MICU1: variants seen among roughly 807,000 people sequenced by gnomAD.
MICU1 encodes calcium uptake protein 1, mitochondrial.
MICU1 carries 45 observed loss-of-function variants against 56.8 expected under a neutral mutation model. That is an observed-to-expected ratio of 0.79 (90% CI 0.62 to 1.02). The LOEUF (loss-of-function observed/expected upper bound fraction) is 1.02. Ranked by LOEUF, MICU1 falls within the 50% of genes least tolerant of loss-of-function variation. MICU1 has a pLI of 0.00. For synonymous variants in MICU1, 186 were observed against 195.1 expected, an observed-to-expected ratio of 0.95 and a Z score of 0.39; for missense variants, 504 against 587.1, an observed-to-expected ratio of 0.86 and a Z score of 1.46.
At chr10:72,600,177 A>C (rs1841486632) in intron 1 of MICU1, among the ~76,000 whole-genome samples, 1 of 151,854 alleles carries the variant, frequency 6.6e-6, no homozygotes, top group African/African-American at 2.4e-5. Context: ...CTGTAGTCCC[A>C]GCTACTCTGG....
chr10:72,478,161 G>A (rs180828583), intron 6 of MICU1, among the ~76,000 whole-genome samples: 8 of 149,560 alleles, frequency 5.3e-5, no homozygotes, highest in Non-Finnish European at 8.9e-5. Context: ...GAGCCACGGC[G>A]TCTGGCCTCA....
At position 72,375,845 on chromosome 10, in the gene MICU1, A is replaced by G; in HGVS notation, c.1208T>C (p.Val403Ala). ...GTGGTCTGAGAGCTCCACTTTAGCC[A>G]CTGTCCTGGCCACCTGCTGCATGGT... ...KVTMQQVART[V>A]AKVELSDHVC... The change falls in exon 11 of 12, where the codon GTG becomes GCG. Residue 403 changes from valine (V) to alanine (A), a missense_variant. Val to Ala is a moderately conservative substitution (Grantham distance 64, BLOSUM62 0). Transcript: ENST00000361114. 3 of 1,613,512 alleles carry G rather than the reference A, an allele frequency of 1.9e-6. No homozygotes were observed. Among genetic ancestry groups the G allele is most frequent in the Non-Finnish European group, 1.7e-6 (2 of 1,179,716 alleles).
intron 6 of MICU1, among the ~76,000 whole-genome samples, chr10:72,507,457 A>T (rs1446170432): frequency 6.6e-6 from 1 of 152,226 alleles, no homozygotes; most frequent in Admixed American, 6.5e-5. Context: ...AAGGTTAAAA[A>T]ACAAATATTC....
intron 1 of MICU1, among the ~76,000 whole-genome samples, chr10:72,618,921 T>C (rs1011099950): frequency 1.7e-4 from 26 of 152,216 alleles, no homozygotes; most frequent in African/African-American, 5.8e-4. Flanking sequence ...CATCTGTCTG[T>C]TTTCCCCACT....
chr10:72,472,227 T>C (rs1055242449), intron 8 of MICU1, among the ~76,000 whole-genome samples: 19 of 152,188 alleles, frequency 1.2e-4, no homozygotes, highest in Non-Finnish European at 1.8e-4. Flanking sequence ...ATTCTGAAGA[T>C]AGAGCCCTCT....
chr10:72,523,044 CTAGT>C (rs1384192088), intron 5 of MICU1, among the ~76,000 whole-genome samples: 2 of 152,158 alleles, frequency 1.3e-5, no homozygotes, highest in Non-Finnish European at 1.5e-5. Context: ...GTTTTGTCAC[CTAGT>C]GTGGTTGACT....
intron 5 of MICU1, among the ~76,000 whole-genome samples, chr10:72,512,107 G>GTTTTTTTT (rs869183579): frequency 9.1e-4 from 27 of 29,524 alleles, no homozygotes; most frequent in African/African-American, 2.5e-3. Flanking sequence ...GTTGTTTTTT[G>GTTTTTTTT]TTTTTTTTTT....
chr10:72,470,369 T>C (rs1865915042), intron 8 of MICU1, among the ~76,000 whole-genome samples: 1 of 152,252 alleles, frequency 6.6e-6, no homozygotes. Context: ...GTCCATTTTC[T>C]GCTGGTATAA....
intron 8 of MICU1, among the ~76,000 whole-genome samples, chr10:72,447,261 CTCATT>C (rs1212523385): frequency 6.6e-6 from 1 of 152,152 alleles, no homozygotes; most frequent in Non-Finnish European, 1.5e-5. Context: ...GATTCACTCT[CTCATT>C]TGAGTCTCAT....
chr10:72,602,268 T>C (rs1403749007), intron 1 of MICU1, among the ~76,000 whole-genome samples: 6 of 151,286 alleles, frequency 4.0e-5, no homozygotes, highest in Non-Finnish European at 7.4e-5. Flanking sequence ...CTGGCCAATA[T>C]GGTGAAACCC....
intron 1 of MICU1, among the ~76,000 whole-genome samples, chr10:72,596,060 A>C (rs1841372030): frequency 6.8e-6 from 1 of 148,028 alleles, no homozygotes; most frequent in Non-Finnish European, 1.5e-5. Flanking sequence ...ATCTTGGCTC[A>C]CTGCAACCTC....
At chr10:72,492,102 T>C (rs1401994897) in intron 6 of MICU1, among the ~76,000 whole-genome samples, 2 of 152,300 alleles carry the variant, frequency 1.3e-5, no homozygotes, top group East Asian at 3.9e-4. Flanking sequence ...CGCCAGTATA[T>C]GATTTTTCTT....
intron 5 of MICU1, among the ~76,000 whole-genome samples, chr10:72,523,240 A>T (rs1344256606): frequency 6.6e-6 from 1 of 152,206 alleles, no homozygotes; most frequent in African/African-American, 2.4e-5. Flanking sequence ...GTCCTACCAT[A>T]ATCAGAGAAC....
intron 6 of MICU1, among the ~76,000 whole-genome samples, chr10:72,504,536 C>T (rs1449193658): frequency 6.6e-6 from 1 of 151,970 alleles, no homozygotes; most frequent in Non-Finnish European, 1.5e-5. Context: ...AGAAGAAAAC[C>T]TAGGAAATAC....
At chr10:72,581,835 C>T (rs1042865869) in intron 1 of MICU1, among the ~76,000 whole-genome samples, 4 of 152,104 alleles carry the variant, frequency 2.6e-5, no homozygotes, top group Non-Finnish European at 5.9e-5. Context: ...CTTTCTAAGT[C>T]CTTTTCCGGT....
chr10:72,532,905 T>C (rs1313919459), intron 5 of MICU1: 5 of 1,187,670 alleles, frequency 4.2e-6, no homozygotes, highest in Non-Finnish European at 5.3e-6. Flanking sequence ...TGGACTTTTA[T>C]GTAATAATGC....
At chr10:72,516,061 T>A (rs568125109) in intron 5 of MICU1, among the ~76,000 whole-genome samples, 15 of 152,224 alleles carry the variant, frequency 9.9e-5, no homozygotes, top group Non-Finnish European at 2.2e-4. Flanking sequence ...ATAATAAATG[T>A]AAAAGTGTTC....
intron 6 of MICU1, among the ~76,000 whole-genome samples, chr10:72,503,660 T>C (rs1867149430): frequency 1.3e-5 from 2 of 151,966 alleles, no homozygotes; most frequent in South Asian, 4.1e-4. Flanking sequence ...AATAGGGAAA[T>C]AAGAAGCCAC....
At chr10:72,508,338 A>ATAAATGG in intron 5 of MICU1, 69 bp from the exon 6 acceptor site, 2 of 601,696 alleles carry the variant, frequency 3.3e-6, no homozygotes, top group Non-Finnish European at 5.7e-6. Context: ...ATAGTAAGAG[A>ATAAATGG]TGAATCACCA....
Sources: allele counts gnomAD v4.1 joint callset (sites outside exome capture counted in the v4.1 genomes callset), GRCh38; gene constraint gnomAD v4.1.1; transcripts MANE v1.5; gene names NCBI Gene and HGNC (gene_info 2026-07-23, HGNC 2026-07-21).